The following CBLB variants were observed in gnomAD, a reference collection of about 807,000 sequenced individuals.
CBLB encodes Cbl proto-oncogene B.
A neutral mutation model predicts 104.9 loss-of-function variants in CBLB; 31 were observed. The observed-to-expected ratio is 0.30, with a 90% CI of 0.22 to 0.40. The LOEUF (loss-of-function observed/expected upper bound fraction) is 0.40. Among genes scored for constraint, CBLB ranks in the 10% least tolerant of loss-of-function variants. The pLI is 1.00. For synonymous variants in CBLB, 440 were observed against 422.6 expected (o/e 1.04, Z -0.51); for missense variants, 1,062 against 1,214.6 (o/e 0.87, Z 1.87).
At chr3:105,776,649 G>T (rs965022029) in intron 3 of CBLB, 107 bp from the exon 4 acceptor site, 9 of 1,035,594 alleles carry the variant, frequency 8.7e-6, no homozygotes, top group South Asian at 5.4e-5. Context: ...ATGTATCAAC[G>T]TATGTCTTGG....
At chr3:105,786,187 T>C (rs1241264381) in intron 3 of CBLB, among the ~76,000 whole-genome samples, 8 of 152,128 alleles carry the variant, frequency 5.3e-5, no homozygotes, top group African/African-American at 1.7e-4. Flanking sequence ...AGATGATGTG[T>C]TGTAAATAGG....
At chr3:105,750,063 G>C (rs879734996) in intron 5 of CBLB, among the ~76,000 whole-genome samples, 3 of 151,042 alleles carry the variant, frequency 2.0e-5, no homozygotes, top group Non-Finnish European at 4.4e-5. Context: ...CTGTTGCCCA[G>C]GCTGGAGTGC....
chr3:105,818,984 T>C (rs7631771), intron 3 of CBLB, among the ~76,000 whole-genome samples: 24,619 of 152,226 alleles, frequency 0.16, 2,246 homozygotes, highest in South Asian at 0.31. Flanking sequence ...AACTTCATAA[T>C]TGCATCTGTG....
rs182393982 is a variant in CBLB, at chr3:105,833,600, G to A, written c.419+19814C>T. ...TGTTAGTATTTATTTTCAGTACTTA[G>A]GGGTATTATAAATATAAATGAGTTT... On this transcript the variant is annotated intron_variant, in intron 3 of 18. Coordinates refer to ENST00000394030, the MANE Select transcript of CBLB (RefSeq NM_170662.5). Among the ~76,000 whole-genome samples the A allele has an allele frequency of 2.6e-5, 4 of 152,008 alleles. No individual in the cohort carries two copies. In the East Asian group the frequency reaches 5.8e-4, roughly 22 times the overall value.
chr3:105,858,094 G>A (rs1266744599), intron 2 of CBLB, among the ~76,000 whole-genome samples: 1 of 152,150 alleles, frequency 6.6e-6, no homozygotes, highest in Admixed American at 6.5e-5. Flanking sequence ...TGAGTAGTAC[G>A]AGAGATCTGA....
At chr3:105,729,036 G>A (rs906696289) in intron 9 of CBLB, among the ~76,000 whole-genome samples, 2 of 152,156 alleles carry the variant, frequency 1.3e-5, no homozygotes, top group South Asian at 4.1e-4. Context: ...GCTGAGCAGA[G>A]TATGATTTAT....
chr3:105,798,411 T>A (rs1030958614), intron 3 of CBLB, among the ~76,000 whole-genome samples: 3 of 152,220 alleles, frequency 2.0e-5, no homozygotes, highest in African/African-American at 7.2e-5. Flanking sequence ...CAGCAATAAC[T>A]TATTTCCTTC....
At position 105,751,373 on chromosome 3, in the gene CBLB, T is replaced by TGA. The variant is rs112521814; in HGVS notation, c.723+87_723+88dup. 1,417 of 864,190 alleles carry TGA rather than the reference T, an allele frequency of 1.6e-3. 11 individuals are homozygous for TGA. In the African/African-American group the frequency reaches 0.02, roughly 12 times the overall value. The allele number at this position is 864,190 out of a possible 1,614,324, so 53.5% of individuals were successfully genotyped here. ...ATATGTTTGTTTATGTGTGTGTGTG[T>TGA]GAGAGAGAGACAGAGAGAGAGAGAA... is the stretch of plus-strand genomic sequence containing the variant. On this transcript the variant is annotated intron_variant, in intron 5 of 18. Coordinates refer to ENST00000394030, the MANE Select transcript of CBLB (RefSeq NM_170662.5).
chr3:105,865,427 G>C (rs913601497), intron 2 of CBLB, among the ~76,000 whole-genome samples: 1 of 152,022 alleles, frequency 6.6e-6, no homozygotes, highest in Non-Finnish European at 1.5e-5. Context: ...GCCAACACCC[G>C]CACCCACATC....
chr3:105,776,571 T>A (rs1483855119), intron 3 of CBLB, 29 bp from the exon 4 acceptor site: 1 of 1,610,748 alleles, frequency 6.2e-7, no homozygotes, highest in Non-Finnish European at 8.5e-7. Context: ...AAAATGAAGA[T>A]AAGAAATAAA....
At position 105,658,111 on chromosome 3, in the gene CBLB, A is replaced by G; in HGVS notation, c.*859T>C. ...GGACCTTGTTATATAACTTCAGTAC[A>G]GCATTGTCTTATACAAGTGTTCTCT... On this transcript the variant is annotated 3_prime_UTR_variant, in exon 19 of 19. Transcript: ENST00000394030. 1 of 217,206 alleles carries G rather than the reference A, an allele frequency of 4.6e-6. No individual in the cohort carries two copies. Among genetic ancestry groups the G allele is most frequent in the Non-Finnish European group, 9.3e-6 (1 of 107,892 alleles). The allele number at this position is 217,206 out of a possible 1,614,324, so 13.5% of individuals were successfully genotyped here.
intron 3 of CBLB, among the ~76,000 whole-genome samples, chr3:105,847,853 T>C (rs141821633): frequency 0.017 from 2,657 of 152,268 alleles, 44 homozygotes; most frequent in Non-Finnish European, 0.025. Flanking sequence ...AGTAAAATCA[T>C]AGAAATGCCT....
intron 2 of CBLB, among the ~76,000 whole-genome samples, chr3:105,863,326 A>G (rs2092241091): frequency 6.6e-6 from 1 of 152,236 alleles, no homozygotes; most frequent in Non-Finnish European, 1.5e-5. Flanking sequence ...AAAACTGTCC[A>G]GACAATTTGT....
intron 3 of CBLB, 151 bp downstream of exon 3, chr3:105,853,263 A>G (rs996739863): frequency 1.3e-6 from 1 of 771,386 alleles, no homozygotes; most frequent in African/African-American, 1.7e-5. Flanking sequence ...CATTTCTTGT[A>G]AAGTATCCCC....
At chr3:105,661,680 C>T (rs16851413) in intron 18 of CBLB, among the ~76,000 whole-genome samples, 4,327 of 152,152 alleles carry the variant, frequency 0.028, 163 homozygotes, top group East Asian at 0.17. Flanking sequence ...AATACTATGA[C>T]GAATGCCTCT....
At chr3:105,745,144 T>C (rs2075980295) in intron 6 of CBLB, among the ~76,000 whole-genome samples, 1 of 152,194 alleles carries the variant, frequency 6.6e-6, no homozygotes, top group Admixed American at 6.6e-5. Flanking sequence ...AGCAGGTCTC[T>C]AATATCCCTA....
At chr3:105,793,918 T>C (rs2081973477) in intron 3 of CBLB, among the ~76,000 whole-genome samples, 1 of 152,232 alleles carries the variant, frequency 6.6e-6, no homozygotes, top group Non-Finnish European at 1.5e-5. Context: ...TAATAACTAG[T>C]TATTCATCTA....
At chr3:105,717,909 T>C (rs1309185126) in intron 10 of CBLB, among the ~76,000 whole-genome samples, 1 of 152,210 alleles carries the variant, frequency 6.6e-6, no homozygotes, top group African/African-American at 2.4e-5. Context: ...TTCTAGGTTC[T>C]TAGGTCCTTG....
At chr3:105,719,359 T>C (rs1461881931) in intron 10 of CBLB, among the ~76,000 whole-genome samples, 4 of 152,250 alleles carry the variant, frequency 2.6e-5, no homozygotes, top group African/African-American at 4.8e-5. Flanking sequence ...TGAGAGTACC[T>C]TGAGGAGAAT....
Sources: gnomAD v4.1 joint callset for allele counts (sites outside exome capture counted in the v4.1 genomes callset) on GRCh38, gnomAD v4.1.1 for gene constraint, MANE v1.5 for transcripts, NCBI Gene and HGNC (gene_info 2026-07-23, HGNC 2026-07-21) for gene names.